Variants in SIRPG observed in about 807,000 individuals in gnomAD.
The protein encoded by SIRPG is signal-regulatory protein gamma.
A neutral mutation model predicts 35.7 loss-of-function variants in SIRPG; 38 were observed. The observed-to-expected ratio is 1.06, with a 90% CI of 0.82 to 1.40. The LOEUF (loss-of-function observed/expected upper bound fraction) is 1.40, where lower values mean the gene tolerates loss of function less well. SIRPG is among the 40% of genes most tolerant of loss of function. The pLI, the probability that SIRPG is intolerant of heterozygous loss-of-function variation, is 0.00. For missense variants in SIRPG, 519 were observed against 483.0 expected (o/e 1.07, Z -0.70); for synonymous variants, 215 against 190.4 (o/e 1.13, Z -1.06).
the SIRPG span, among the ~76,000 whole-genome samples, chr20:1,675,640 G>A: frequency 6.6e-6 from 1 of 152,158 alleles, no homozygotes; most frequent in Non-Finnish European, 1.5e-5. Flanking sequence ...CTGAGCTTTA[G>A]TGCCTCATCT....
At chr20:1,647,187 A>C (rs2091904163) in intron 2 of SIRPG, 1 of 152,232 alleles carries the variant, frequency 6.6e-6, no homozygotes, top group Non-Finnish European at 1.5e-5. Flanking sequence ...CTCCGCCCTC[A>C]TAGCACTGGT....
intron 4 of SIRPG, chr20:1,630,956 C>T (rs1219134066): frequency 3.9e-5 from 6 of 152,152 alleles, no homozygotes; most frequent in Non-Finnish European, 8.8e-5. Context: ...CCTGGTGAGT[C>T]ACGGAAATGG....
At chr20:1,682,950 G>A in the SIRPG span, among the ~76,000 whole-genome samples, 1 of 152,188 alleles carries the variant, frequency 6.6e-6, no homozygotes, top group South Asian at 2.1e-4. Flanking sequence ...AATCAACAGA[G>A]TGAAGAGACA....
chr20:1,683,433 C>T, the SIRPG span, among the ~76,000 whole-genome samples: 21,659 of 152,106 alleles, frequency 0.14, 2,548 homozygotes, highest in East Asian at 0.59. Context: ...CATGTCACAG[C>T]GATATCTGCA....
chr20:1,674,244 A>G, the SIRPG span, among the ~76,000 whole-genome samples: 1 of 151,230 alleles, frequency 6.6e-6, no homozygotes, highest in Non-Finnish European at 1.5e-5. Context: ...TTCCCAGATG[A>G]TTCTAATGAG....
chr20:1,656,644 G>A (rs2091977897), intron 1 of SIRPG, among the ~76,000 whole-genome samples: 1 of 152,128 alleles, frequency 6.6e-6, no homozygotes, highest in African/African-American at 2.4e-5. Flanking sequence ...TCTGGGAGCT[G>A]TGAACAGGGC....
intron 1 of SIRPG, among the ~76,000 whole-genome samples, chr20:1,655,855 AACC>A (rs1331860820): frequency 2.6e-5 from 4 of 152,140 alleles, no homozygotes; most frequent in Non-Finnish European, 4.4e-5. Context: ...ATAGAAAGAG[AACC>A]AATGATTAAA....
At chr20:1,672,496 T>C in the SIRPG span, among the ~76,000 whole-genome samples, 1 of 152,202 alleles carries the variant, frequency 6.6e-6, no homozygotes, top group Non-Finnish European at 1.5e-5. Context: ...TCAAGGTACG[T>C]GGGATTTTGA....
chr20:1,648,180 T>G (rs1377517359), intron 2 of SIRPG: 1 of 152,174 alleles, frequency 6.6e-6, no homozygotes, highest in Non-Finnish European at 1.5e-5. Context: ...AAACCCCAAA[T>G]AAGTTTTATT....
At chr20:1,683,128 C>A in the SIRPG span, among the ~76,000 whole-genome samples, 1 of 152,054 alleles carries the variant, frequency 6.6e-6, no homozygotes. Flanking sequence ...ATTAAAATGG[C>A]CAGCAGGCAT....
chr20:1,668,626 C>A, the SIRPG span, among the ~76,000 whole-genome samples: 1 of 152,076 alleles, frequency 6.6e-6, no homozygotes, highest in Non-Finnish European at 1.5e-5. Flanking sequence ...GAATTAAAAC[C>A]AATTTTAGCT....
the SIRPG span, among the ~76,000 whole-genome samples, chr20:1,675,328 CT>C: frequency 6.6e-6 from 1 of 152,176 alleles, no homozygotes; most frequent in Non-Finnish European, 1.5e-5. Context: ...GTCCTAAATG[CT>C]TCATGTGTGC....
the SIRPG span, among the ~76,000 whole-genome samples, chr20:1,664,985 C>G: frequency 2.0e-3 from 307 of 152,268 alleles, 2 homozygotes; most frequent in African/African-American, 7.2e-3. Flanking sequence ...TGAGGGACCA[C>G]CTACAGAGTT....
chr20:1,629,210 G>A lies in SIRPG; in HGVS notation c.*429C>T, dbSNP rs1246958116. 1.3e-5 allele frequency: 2 copies of A among 152,214 alleles called. No individual in the cohort carries two copies. Among genetic ancestry groups the A allele is most frequent in the East Asian group, 3.9e-4 (2 of 5,190 alleles). The allele number at this position is 152,214 out of a possible 1,614,324, so 9.4% of individuals were successfully genotyped here. A position where few individuals can be genotyped will look rare whatever the true frequency, so the allele number is the denominator to read the frequency against. ...TTTGGGAGTGCATTTGTATTCAAGA[G>A]GCAATAGAGAACCTCAACAAGGCTG... On this transcript the variant is annotated 3_prime_UTR_variant, in exon 6 of 6. Coordinates refer to ENST00000303415, the MANE Select transcript of SIRPG (RefSeq NM_018556.4).
chr20:1,650,215 C>A (rs1428219673), intron 1 of SIRPG, among the ~76,000 whole-genome samples: 1 of 151,698 alleles, frequency 6.6e-6, no homozygotes, highest in Non-Finnish European at 1.5e-5. Flanking sequence ...CTTACATGTC[C>A]TTCTCAAAGA....
At chr20:1,668,199 TTTTCTTTCTTTCTTTCTTTC>T in the SIRPG span, among the ~76,000 whole-genome samples, 37 of 67,424 alleles carry the variant, frequency 5.5e-4, 1 homozygote, top group South Asian at 1.5e-3. Context: ...TTTTCTTTTC[TTTTCTTTCTTTCTTTCTTTC>T]TTTCTTTCTT....
intron 1 of SIRPG, among the ~76,000 whole-genome samples, chr20:1,655,273 A>G (rs987811667): frequency 6.6e-6 from 1 of 152,242 alleles, no homozygotes; most frequent in Non-Finnish European, 1.5e-5. Flanking sequence ...TATGGAATCA[A>G]CCTAGGTGTC....
the SIRPG span, among the ~76,000 whole-genome samples, chr20:1,666,909 TTTAC>T: frequency 6.6e-6 from 1 of 152,062 alleles, no homozygotes; most frequent in Non-Finnish European, 1.5e-5. Context: ...GAAATGTTTA[TTTAC>T]TTACTTTTTT....
the SIRPG span, among the ~76,000 whole-genome samples, chr20:1,672,771 C>T: frequency 2.0e-5 from 3 of 150,494 alleles, no homozygotes; most frequent in Non-Finnish European, 4.4e-5. Context: ...TGTTAGCAGG[C>T]CTAATTTGTG....
Sources: allele counts gnomAD v4.1 joint callset (sites outside exome capture counted in the v4.1 genomes callset), GRCh38; gene constraint gnomAD v4.1.1; transcripts MANE v1.5; gene names NCBI Gene and HGNC (gene_info 2026-07-23, HGNC 2026-07-21).